The following DNMBP variants were observed in gnomAD, a reference collection of about 807,000 sequenced individuals.
DNMBP encodes dynamin binding protein.
A neutral mutation model predicts 150.0 loss-of-function variants in DNMBP; 87 were observed. The ratio of observed to expected loss-of-function variants is 0.58; its 90% CI spans 0.49 to 0.69. DNMBP has a LOEUF of 0.69. Among genes scored for constraint, DNMBP ranks in the 30% least tolerant of loss-of-function variants. The pLI, the probability that DNMBP is intolerant of heterozygous loss-of-function variation, is 0.00. For missense variants in DNMBP, 1,774 were observed against 1,949.0 expected, an observed-to-expected ratio of 0.91 and a Z score of 1.69; for synonymous variants, 711 against 750.4, an observed-to-expected ratio of 0.95 and a Z score of 0.86.
intron 1 of DNMBP, among the ~76,000 whole-genome samples, chr10:99,990,158 G>A (rs2133375815): frequency 6.6e-6 from 1 of 152,236 alleles, no homozygotes; most frequent in South Asian, 2.1e-4. Context: ...GGTACATGAG[G>A]TTTCACAGGA....
Position 99,943,408 on chromosome 10 carries a change from GTTTT to G in DNMBP, c.2260+11802_2260+11805del, listed in dbSNP as rs571326515. Reference sequence around the variant, plus strand: ...TGTTTGTTTGTTTGTTTGTTTGTTTGTTTTTTTGAGACAGTTTCACTCTGTCACC... The same window carrying G: ...TGTTTGTTTGTTTGTTTGTTTGTTTGTTTGAGACAGTTTCACTCTGTCACC... On this transcript the variant is annotated intron_variant, in intron 4 of 16. Coordinates refer to ENST00000324109, the MANE Select transcript of DNMBP (RefSeq NM_015221.4). 1.7e-3 allele frequency among the ~76,000 whole-genome samples: 224 copies of G among 132,570 alleles called. 6 individuals carry two copies. The highest frequency in any genetic ancestry group is 9.3e-3 in the South Asian group (40 of 4,306). 87.0% of individuals were successfully genotyped at this position (132,570 alleles called of 152,430 possible).
Position 99,899,838 on chromosome 10 carries a change from T to A in DNMBP, c.2702+81A>T, listed in dbSNP as rs750506331. The A allele has an allele frequency of 2.0e-5, 29 of 1,426,532 alleles. 1 individual carries two copies. In the South Asian group the frequency reaches 3.3e-4, roughly 16 times the overall value. The allele number at this position is 1,426,532 out of a possible 1,614,324, so 88.4% of individuals were successfully genotyped here. On this transcript the variant is annotated intron_variant, in intron 7 of 16. Coordinates refer to ENST00000324109, the MANE Select transcript of DNMBP (RefSeq NM_015221.4). ...ATCTTATGTTTAAAATAAGATGTCA[T>A]CATCAAGTCCAGGCATATACACAGG...
intron 1 of DNMBP, among the ~76,000 whole-genome samples, chr10:99,982,530 C>T (rs1005246962): frequency 2.0e-5 from 3 of 151,996 alleles, no homozygotes; most frequent in Non-Finnish European, 1.5e-5. Flanking sequence ...TCCCTAAATC[C>T]ACCATTCTAA....
chr10:99,886,295 C>G lies in DNMBP; in HGVS notation c.3618+5G>C. The G allele has an allele frequency of 6.2e-7, 1 of 1,608,758 alleles. No homozygotes were observed. The highest frequency in any genetic ancestry group is 8.5e-7 in the Non-Finnish European group (1 of 1,175,842). ...ACCATCCCACTGAACAGGTAAGAAA[C>G]TCACCGAAAGCAGTGGCTTTAATTG... On this transcript the variant is annotated splice_donor_5th_base_variant and intron_variant, in intron 13 of 16. Transcript: ENST00000324109.
intron 1 of DNMBP, among the ~76,000 whole-genome samples, chr10:100,004,077 C>CAAAA (rs551141586): frequency 7.1e-6 from 1 of 139,934 alleles, no homozygotes; most frequent in African/African-American, 2.6e-5. Flanking sequence ...AAAAAAATTA[C>CAAAA]AAAAAAAAAA....
At chr10:99,903,492 C>G (rs1265142692) in intron 6 of DNMBP, among the ~76,000 whole-genome samples, 3 of 152,238 alleles carry the variant, frequency 2.0e-5, no homozygotes, top group South Asian at 4.2e-4. Context: ...CCCACCATAC[C>G]TGGCTAATTT....
intron 4 of DNMBP, among the ~76,000 whole-genome samples, chr10:99,947,232 A>G (rs7903047): frequency 0.32 from 48,131 of 152,050 alleles, 7,686 homozygotes; most frequent in Non-Finnish European, 0.33. Context: ...TGCCCAAAGG[A>G]AAATTCTTCT....
At chr10:99,998,793 A>ATT (rs565576621) in intron 1 of DNMBP, among the ~76,000 whole-genome samples, 1 of 151,982 alleles carries the variant, frequency 6.6e-6, no homozygotes, top group East Asian at 1.9e-4. Flanking sequence ...AGGGAATCCT[A>ATT]TTTTTTTTAA....
chr10:99,951,964 C>T (rs2133322994), intron 4 of DNMBP, among the ~76,000 whole-genome samples: 2 of 152,240 alleles, frequency 1.3e-5, no homozygotes, highest in East Asian at 3.9e-4. Context: ...CCAAACTCAT[C>T]TTGAATTCCT....
In DNMBP at chr10:99,901,621, C is replaced by T. The variant is rs140956297; in HGVS notation, c.2555-1555G>A. Among the ~76,000 whole-genome samples the T allele has an allele frequency of 5.6e-3, 852 of 152,212 alleles. 10 individuals carry two copies. Among genetic ancestry groups the T allele is most frequent in the African/African-American group, 0.019 (791 of 41,536 alleles). ...CCTTCAGAGCTGTGGCCTGAACGTGCGGGTCCCTGGCTTACTATGATGACT... is the reference window on the plus strand; with the variant it reads ...CCTTCAGAGCTGTGGCCTGAACGTGTGGGTCCCTGGCTTACTATGATGACT... On this transcript the variant is annotated intron_variant, in intron 6 of 16. Coordinates refer to ENST00000324109, the MANE Select transcript of DNMBP (RefSeq NM_015221.4).
intron 11 of DNMBP, among the ~76,000 whole-genome samples, chr10:99,891,280 C>T (rs1373548047): frequency 1.3e-5 from 2 of 150,106 alleles, no homozygotes; most frequent in Non-Finnish European, 3.0e-5. Context: ...CTGCAACCTC[C>T]CTGCCTGATT....
chr10:99,909,237 A>G, intron 4 of DNMBP, 91 bp from the exon 5 acceptor site: 1 of 965,748 alleles, frequency 1.0e-6, no homozygotes, highest in South Asian at 1.7e-5. Flanking sequence ...TTTCCTGAGA[A>G]CCAAAGGTCT....
At chr10:99,886,654 A>G (rs1428798095) in intron 12 of DNMBP, 22 bp from the exon 13 acceptor site, 1 of 1,598,058 alleles carries the variant, frequency 6.3e-7, no homozygotes. Context: ...AGAAAGGCAC[A>G]TTGCTCAGCT....
chr10:99,978,005 G>T (rs2040746821), intron 1 of DNMBP, among the ~76,000 whole-genome samples: 1 of 152,126 alleles, frequency 6.6e-6, no homozygotes, highest in East Asian at 1.9e-4. Context: ...ATGGCAGACG[G>T]TACACTAAGA....
chr10:99,990,788 C>T (rs4919408), intron 1 of DNMBP, among the ~76,000 whole-genome samples: 13,053 of 77,964 alleles, frequency 0.17, 922 homozygotes, highest in African/African-American at 0.35. Flanking sequence ...TATATACACA[C>T]ATATATACAC....
intron 1 of DNMBP, among the ~76,000 whole-genome samples, chr10:99,980,173 G>A (rs747914727): frequency 2.0e-5 from 3 of 151,732 alleles, no homozygotes; most frequent in South Asian, 2.1e-4. Context: ...AGCTGGGTGC[G>A]GTGGCTCAGG....
chr10:99,991,304 C>T (rs1389327057), intron 1 of DNMBP, among the ~76,000 whole-genome samples: 1 of 151,916 alleles, frequency 6.6e-6, no homozygotes, highest in Non-Finnish European at 1.5e-5. Flanking sequence ...GTCTCAAACT[C>T]CTGACCTCGT....
At chr10:99,945,339 T>C (rs1168799765) in intron 4 of DNMBP, among the ~76,000 whole-genome samples, 1 of 152,018 alleles carries the variant, frequency 6.6e-6, no homozygotes, top group Non-Finnish European at 1.5e-5. Context: ...GCACGCGGAG[T>C]AAAATGTTAC....
intron 14 of DNMBP, 68 bp from the exon 15 acceptor site, chr10:99,884,277 C>T: frequency 7.2e-7 from 1 of 1,390,608 alleles, no homozygotes; most frequent in Non-Finnish European, 1.0e-6. Flanking sequence ...TTCATCCCAA[C>T]ATGTGGCCAG....
Sources: allele counts gnomAD v4.1 joint callset (sites outside exome capture counted in the v4.1 genomes callset), GRCh38; gene constraint gnomAD v4.1.1; transcripts MANE v1.5; gene names NCBI Gene and HGNC (gene_info 2026-07-23, HGNC 2026-07-21).